The following TEK variants were observed in gnomAD, a reference collection of about 807,000 sequenced individuals.
TEK encodes TEK receptor tyrosine kinase, also known as angiopoietin-1 receptor.
In TEK, 43 loss-of-function variants were observed where a neutral mutation model predicts 131.8. The ratio of observed to expected loss-of-function variants is 0.33; its 90% CI spans 0.26 to 0.42. The LOEUF is 0.42. Ranked by LOEUF, TEK falls within the 10% of genes least tolerant of loss-of-function variation. The probability of loss-of-function intolerance (pLI) is 1.00; values close to 1 mark genes in which losing one functional copy is unlikely to be tolerated. For missense variants in TEK, 1,162 were observed against 1,384.4 expected (o/e 0.84, Z 2.55); for synonymous variants, 580 against 491.6 (o/e 1.18, Z -2.38).
chr9:27,142,377 A>G (rs771170575), intron 1 of TEK, among the ~76,000 whole-genome samples: 2 of 152,320 alleles, frequency 1.3e-5, no homozygotes, highest in East Asian at 1.9e-4. Flanking sequence ...CACTTTCATA[A>G]CATGCATTTA....
At chr9:27,217,472 C>G (rs1004145304) in intron 18 of TEK, among the ~76,000 whole-genome samples, 1 of 152,112 alleles carries the variant, frequency 6.6e-6, no homozygotes, top group Non-Finnish European at 1.5e-5. Flanking sequence ...CTCACACTTC[C>G]ATTCATATAA....
intron 16 of TEK, among the ~76,000 whole-genome samples, chr9:27,211,563 C>T (rs1291180498): frequency 6.6e-6 from 1 of 150,796 alleles, no homozygotes; most frequent in African/African-American, 2.4e-5. Context: ...AAGCAGTCTT[C>T]CCACTTCAGC....
chr9:27,132,280 G>T (rs1822257496), intron 1 of TEK, among the ~76,000 whole-genome samples: 1 of 151,852 alleles, frequency 6.6e-6, no homozygotes, highest in South Asian at 2.1e-4. Flanking sequence ...TAGAGACGGG[G>T]TTTCACCATG....
At chr9:27,162,692 T>C (rs569421138) in intron 2 of TEK, among the ~76,000 whole-genome samples, 1 of 152,228 alleles carries the variant, frequency 6.6e-6, no homozygotes, top group South Asian at 2.1e-4. Flanking sequence ...GTTTAGTTCA[T>C]TTATACTTTC....
intron 9 of TEK, among the ~76,000 whole-genome samples, chr9:27,189,871 T>G (rs10967764): frequency 0.3 from 45,186 of 151,862 alleles, 7,166 homozygotes; most frequent in Admixed American, 0.35. Context: ...TATATATATA[T>G]AGAGAGAGAA....
At chr9:27,134,791 TAAAA>T (rs532871291) in intron 1 of TEK, among the ~76,000 whole-genome samples, 113 of 152,246 alleles carry the variant, frequency 7.4e-4, no homozygotes, top group African/African-American at 1.1e-3. Context: ...AAAGATCTAA[TAAAA>T]AGAAGAGAAA....
intron 2 of TEK, among the ~76,000 whole-genome samples, chr9:27,167,752 AAAGC>A (rs1823785246): frequency 6.6e-6 from 1 of 152,200 alleles, no homozygotes; most frequent in Admixed American, 6.5e-5. Context: ...GGGGCATTCT[AAAGC>A]AATTAGAATT....
At chr9:27,221,451 C>T (rs1191551975) in intron 21 of TEK, among the ~76,000 whole-genome samples, 11 of 119,390 alleles carry the variant, frequency 9.2e-5, no homozygotes, top group Admixed American at 7.0e-4. Flanking sequence ...TCATGTGGGT[C>T]CCTGACCCGA....
At chr9:27,134,423 G>C (rs1207869055) in intron 1 of TEK, among the ~76,000 whole-genome samples, 1 of 152,140 alleles carries the variant, frequency 6.6e-6, no homozygotes, top group Non-Finnish European at 1.5e-5. Flanking sequence ...CAGCAACCAA[G>C]TTTTCGTTTC....
chr9:27,139,859 T>G (rs1324986248), intron 1 of TEK, among the ~76,000 whole-genome samples: 1 of 152,048 alleles, frequency 6.6e-6, no homozygotes, highest in African/African-American at 2.4e-5. Flanking sequence ...TGTATACTAG[T>G]TTGTCTGTAT....
chr9:27,195,472 C>T (rs1334085444), intron 11 of TEK, among the ~76,000 whole-genome samples: 4 of 152,102 alleles, frequency 2.6e-5, no homozygotes, highest in Non-Finnish European at 5.9e-5. Flanking sequence ...TATTATGGTC[C>T]TCTGTAAACA....
chr9:27,221,555 T>A (rs568460236), intron 21 of TEK, among the ~76,000 whole-genome samples: 1 of 152,250 alleles, frequency 6.6e-6, no homozygotes, highest in African/African-American at 2.4e-5. Context: ...CAGGTGCCCC[T>A]CTGGGATGAA....
At chr9:27,223,769 G>C (rs771098703) in intron 21 of TEK, among the ~76,000 whole-genome samples, 2 of 152,144 alleles carry the variant, frequency 1.3e-5, no homozygotes, top group Non-Finnish European at 2.9e-5. Context: ...ACTAAGATCA[G>C]AGCAGCATTG....
At position 27,229,787 on chromosome 9, in the gene TEK, C is replaced by T. The variant is rs182565061; in HGVS notation, c.*555C>T. The stretch of plus-strand genomic sequence containing the variant: ...ATCCCTCACCTGTAGCAGCCAGTCC[C>T]GTTTCATTTAGTCATGTGACCACTC... On this transcript the variant is annotated 3_prime_UTR_variant, in exon 23 of 23. Transcript: ENST00000380036. The T allele has an allele frequency of 5.5e-3, 897 of 162,518 alleles. 7 individuals carry two copies. The highest frequency in any genetic ancestry group is 0.016 in the South Asian group (99 of 6,022). 10.1% of individuals were successfully genotyped at this position (162,518 alleles called of 1,614,324 possible). A position where few individuals can be genotyped will look rare whatever the true frequency, so the allele number is the denominator to read the frequency against.
intron 1 of TEK, among the ~76,000 whole-genome samples, chr9:27,117,144 C>G (rs1001378795): frequency 6.6e-6 from 1 of 152,078 alleles, no homozygotes; most frequent in Admixed American, 6.6e-5. Flanking sequence ...GGATTACAGG[C>G]GTGAGCCACT....
At position 27,203,262 on chromosome 9, in the gene TEK, C is replaced by G. The variant is rs938319884; in HGVS notation, c.2209+143C>G. On this transcript the variant is annotated intron_variant, in intron 13 of 22. Coordinates refer to ENST00000380036, the MANE Select transcript of TEK (RefSeq NM_000459.5). ...GCATTTACAGAGAGGTCCTTAATAT[C>G]AAAATGCCTCTGAGAAGGATCCCTG... 1.4e-5 allele frequency: 12 copies of G among 853,266 alleles called. No homozygotes were observed. The African/African-American group carries it at 2.0e-4, about 14-fold the overall frequency. 52.9% of individuals were successfully genotyped at this position (853,266 alleles called of 1,614,324 possible). A position where few individuals can be genotyped will look rare whatever the true frequency, so the allele number is the denominator to read the frequency against.
chr9:27,120,185 CTCTCGTGGT>C (rs1283647409), intron 1 of TEK, among the ~76,000 whole-genome samples: 2 of 152,182 alleles, frequency 1.3e-5, no homozygotes, highest in Non-Finnish European at 2.9e-5. Context: ...CCTCACCAGC[CTCTCGTGGT>C]TCTCAGTCCC....
intron 12 of TEK, among the ~76,000 whole-genome samples, chr9:27,199,919 G>C (rs1825158902): frequency 6.6e-6 from 1 of 151,992 alleles, no homozygotes; most frequent in African/African-American, 2.4e-5. Context: ...TTTGCATTTT[G>C]GAATTATTCC....
chr9:27,200,457 T>C (rs1208263811), intron 12 of TEK, among the ~76,000 whole-genome samples: 2 of 152,300 alleles, frequency 1.3e-5, no homozygotes, highest in East Asian at 3.9e-4. Flanking sequence ...GTATGAAGTT[T>C]GATGGAGGGT....
Sources: allele counts gnomAD v4.1 joint callset (sites outside exome capture counted in the v4.1 genomes callset), GRCh38; gene constraint gnomAD v4.1.1; transcripts MANE v1.5; gene names NCBI Gene and HGNC (gene_info 2026-07-23, HGNC 2026-07-21).